Variants in ABCC4 observed in about 807,000 individuals in gnomAD.
ABCC4 encodes ATP binding cassette subfamily C member 4 (PEL blood group).
A neutral mutation model predicts 168.5 loss-of-function variants in ABCC4; 102 were observed. The ratio of observed to expected loss-of-function variants is 0.61; its 90% CI spans 0.52 to 0.71. The LOEUF (loss-of-function observed/expected upper bound fraction) is 0.71. Among genes scored for constraint, ABCC4 ranks in the 30% least tolerant of loss-of-function variants. The pLI, the probability that ABCC4 is intolerant of heterozygous loss-of-function variation, is 0.00. For synonymous variants in ABCC4, 617 were observed against 590.7 expected, an observed-to-expected ratio of 1.04 and a Z score of -0.65; for missense variants, 1,402 against 1,605.8, an observed-to-expected ratio of 0.87 and a Z score of 2.17.
At chr13:95,164,569 C>G (rs374872587) in intron 15 of ABCC4, 51 bp from the exon 16 acceptor site, 891 of 1,590,040 alleles carry the variant, frequency 5.6e-4, no homozygotes, top group Non-Finnish European at 7.3e-4. Context: ...AAAACTGTTC[C>G]CAAAGATGAC....
At chr13:95,274,867 A>C (rs554838868) in intron 1 of ABCC4, among the ~76,000 whole-genome samples, 1 of 152,310 alleles carries the variant, frequency 6.6e-6, no homozygotes, top group East Asian at 1.9e-4. Flanking sequence ...ACTTGACGTC[A>C]GGAGTTCGAG....
intron 3 of ABCC4, among the ~76,000 whole-genome samples, chr13:95,245,537 G>A (rs1488380139): frequency 1.3e-5 from 2 of 152,186 alleles, no homozygotes; most frequent in Non-Finnish European, 2.9e-5. Context: ...GGTTGAAGAG[G>A]GGCTGGGAGA....
chr13:95,049,790 T>TA (rs1184131371), intron 27 of ABCC4, among the ~76,000 whole-genome samples: 2 of 151,168 alleles, frequency 1.3e-5, no homozygotes, highest in South Asian at 2.1e-4. Flanking sequence ...TAAGAAGAAA[T>TA]AAAAAAAACT....
At position 95,056,162 on chromosome 13, in the gene ABCC4, T is replaced by C. The variant is rs141692702; in HGVS notation, c.3367-2978A>G. Among the ~76,000 whole-genome samples the C allele has an allele frequency of 8.5e-5, 13 of 152,126 alleles. No individual in the cohort carries two copies. The East Asian group carries it at 2.5e-3, about 29-fold the overall frequency. Reference sequence around the variant, plus strand: ...AACCAGCAGGACAAAGCACAATACTTTACCCTAATCTTGTCCCAAACCAGG... The same window carrying C: ...AACCAGCAGGACAAAGCACAATACTCTACCCTAATCTTGTCCCAAACCAGG... On this transcript the variant is annotated intron_variant, in intron 26 of 30. Transcript: ENST00000645237.
intron 27 of ABCC4, among the ~76,000 whole-genome samples, chr13:95,049,269 G>A (rs193061357): frequency 3.9e-4 from 60 of 152,198 alleles, no homozygotes; most frequent in Non-Finnish European, 7.6e-4. Flanking sequence ...AGGAGGTAGA[G>A]TTTGCAGTGA....
chr13:95,043,763 T>C lies in ABCC4; in HGVS notation c.3654A>G (p.Lys1218=), dbSNP rs761854338. 1.9e-6 allele frequency: 3 copies of C among 1,613,630 alleles called. No individual in the cohort carries two copies. The highest frequency in any genetic ancestry group is 3.3e-5 in the Admixed American group (2 of 59,978). The part of the protein sequence containing the change: ...DPRTDELIQK[K]IREKFAHCTV... ...TGCAGTGGGCAAATTTCTCCCGGATTTTTTTTTGTATTAACTCATCAGTTC... is the reference window on the plus strand; with the variant it reads ...TGCAGTGGGCAAATTTCTCCCGGATCTTTTTTTGTATTAACTCATCAGTTC... Residue 1218 remains lysine, a synonymous_variant, in exon 29 of 31, where the codon AAA becomes AAG. Transcript: ENST00000645237.
chr13:95,171,642 A>C (rs182588231), intron 13 of ABCC4, among the ~76,000 whole-genome samples: 1 of 152,252 alleles, frequency 6.6e-6, no homozygotes, highest in African/African-American at 2.4e-5. Context: ...ACTCATGCTC[A>C]ATAAGTGTTA....
At chr13:95,079,554 G>C (rs558566054) in intron 21 of ABCC4, among the ~76,000 whole-genome samples, 1 of 152,350 alleles carries the variant, frequency 6.6e-6, no homozygotes, top group African/African-American at 2.4e-5. Context: ...ACTGCCCAAA[G>C]CTGGGTGCGA....
intron 20 of ABCC4, among the ~76,000 whole-genome samples, chr13:95,110,591 G>A (rs1594111468): frequency 6.6e-6 from 1 of 152,096 alleles, no homozygotes; most frequent in East Asian, 1.9e-4. Context: ...TACAGGTAGG[G>A]TACCTATTAA....
At chr13:95,163,717 C>T (rs185985767) in intron 16 of ABCC4, 70 bp from the exon 17 acceptor site, 13 of 1,306,302 alleles carry the variant, frequency 1.0e-5, no homozygotes, top group African/African-American at 1.5e-5. Context: ...AACTCTCAAT[C>T]GCTAACATGG....
chr13:95,177,700 C>T lies in ABCC4; in HGVS notation c.1727+7G>A, dbSNP rs541296492. ...GCAGAAATGACTTAAGACACAAACACACTCACAGTTCGAACAAGTGTCTGC... is the reference window on the plus strand; with the variant it reads ...GCAGAAATGACTTAAGACACAAACATACTCACAGTTCGAACAAGTGTCTGC... On this transcript the variant is annotated splice_region_variant and intron_variant, in intron 13 of 30. Transcript: ENST00000645237. The T allele has an allele frequency of 1.0e-5, 16 of 1,605,120 alleles. No homozygotes were observed. In the South Asian group the frequency reaches 1.6e-4, roughly 16 times the overall value.
chr13:95,050,932 T>C (rs1034709414), intron 27 of ABCC4, among the ~76,000 whole-genome samples: 3 of 152,288 alleles, frequency 2.0e-5, no homozygotes, highest in African/African-American at 7.2e-5. Context: ...CTGAAACAAA[T>C]AGAAAAACAC....
intron 22 of ABCC4, 63 bp downstream of exon 22, chr13:95,075,369 G>A (rs530025966): frequency 1.9e-6 from 3 of 1,606,822 alleles, no homozygotes; most frequent in Non-Finnish European, 2.6e-6. Context: ...TCTGACCAGG[G>A]AGGTTAAGCC....
chr13:95,118,183 G>A (rs1482446724), intron 19 of ABCC4, among the ~76,000 whole-genome samples: 1 of 152,068 alleles, frequency 6.6e-6, no homozygotes, highest in Non-Finnish European at 1.5e-5. Context: ...AAGATTAGAA[G>A]GTTCAATAGT....
intron 25 of ABCC4, among the ~76,000 whole-genome samples, chr13:95,071,437 T>C (rs1257811586): frequency 6.6e-6 from 1 of 152,022 alleles, no homozygotes; most frequent in Non-Finnish European, 1.5e-5. Context: ...TCAAACAGAG[T>C]ATCCTGGGTC....
At chr13:95,189,025 C>A (rs1275587979) in intron 9 of ABCC4, among the ~76,000 whole-genome samples, 1 of 151,908 alleles carries the variant, frequency 6.6e-6, no homozygotes. Context: ...ATGTATTTGT[C>A]CTAATGCTCT....
At chr13:95,061,245 T>C (rs1191398311) in intron 26 of ABCC4, among the ~76,000 whole-genome samples, 1 of 152,178 alleles carries the variant, frequency 6.6e-6, no homozygotes, top group Admixed American at 6.5e-5. Flanking sequence ...GAAGTGGAAC[T>C]GCTGGATCAC....
At chr13:95,239,045 T>C (rs953711411) in intron 3 of ABCC4, among the ~76,000 whole-genome samples, 3 of 152,022 alleles carry the variant, frequency 2.0e-5, no homozygotes, top group African/African-American at 7.2e-5. Context: ...GGATGAATCA[T>C]AATTTGTTTT....
intron 19 of ABCC4, among the ~76,000 whole-genome samples, chr13:95,142,891 CA>C (rs946400896): frequency 3.3e-5 from 5 of 151,660 alleles, no homozygotes; most frequent in African/African-American, 7.3e-5. Flanking sequence ...AAATTACTGC[CA>C]AAAAAATATA....
Sources: gnomAD v4.1 joint callset for allele counts (sites outside exome capture counted in the v4.1 genomes callset) on GRCh38, gnomAD v4.1.1 for gene constraint, MANE v1.5 for transcripts, NCBI Gene and HGNC (gene_info 2026-07-23, HGNC 2026-07-21) for gene names.